Variants in AGBL2 observed in about 807,000 individuals in gnomAD.
AGBL2 encodes AGBL carboxypeptidase 2, also known as cytosolic carboxypeptidase 2.
A neutral mutation model predicts 103.0 loss-of-function variants in AGBL2; 87 were observed. That is an observed-to-expected ratio of 0.84 (90% CI 0.71 to 1.01). AGBL2 has a LOEUF of 1.01. Ranked by LOEUF, AGBL2 falls within the 50% of genes least tolerant of loss-of-function variation. The pLI is 0.00. For synonymous variants in AGBL2, 335 were observed against 356.7 expected, an observed-to-expected ratio of 0.94 and a Z score of 0.69; for missense variants, 904 against 1,023.5, an observed-to-expected ratio of 0.88 and a Z score of 1.59.
At position 47,690,736 on chromosome 11, in the gene AGBL2, T is replaced by C. The variant is rs1324064942; in HGVS notation, c.971A>G (p.Asn324Ser). 2.5e-6 allele frequency: 4 copies of C among 1,614,034 alleles called. No individual in the cohort carries two copies. The highest frequency in any genetic ancestry group is 1.3e-5 in the African/African-American group (1 of 74,910). The change falls in exon 10 of 19, where the codon AAC (asparagine) becomes AGC (serine). Residue 324 changes from asparagine to serine, a missense_variant. Coordinates refer to ENST00000525123, the MANE Select transcript of AGBL2 (RefSeq NM_024783.4). Reference protein sequence around the residue: ...KDATYRFTIVNLLKPKSLYTV... With the variant: ...KDATYRFTIVSLLKPKSLYTV... ...ATAAAGACTCTTGGGTTTTAGCAAGTTGACAATGGTGAAGCGATAGGTAGC... is the reference window on the plus strand; with the variant it reads ...ATAAAGACTCTTGGGTTTTAGCAAGCTGACAATGGTGAAGCGATAGGTAGC...
Position 47,715,243 on chromosome 11 carries a change from C to A in AGBL2, c.-169G>T, listed in dbSNP as rs1222883105. On this transcript the variant is annotated 5_prime_UTR_variant, in exon 1 of 19. Transcript: ENST00000525123. ...CCGTCCCAAGCAGCACGGATGGCTG[C>A]GGCAGAGAAGCTCCAGCGAGGCAGG... 4 of 154,050 alleles carry A rather than the reference C, an allele frequency of 2.6e-5. No homozygotes were observed. Among genetic ancestry groups the A allele is most frequent in the Non-Finnish European group, 4.3e-5 (3 of 69,354 alleles). 9.5% of individuals were successfully genotyped at this position (154,050 alleles called of 1,614,324 possible).
chr11:47,667,006 CT>C lies in AGBL2; in HGVS notation c.2397del (p.Glu800ArgfsTer8). The C allele has an allele frequency of 6.2e-7, 1 of 1,613,488 alleles. No individual in the cohort carries two copies. The highest frequency in any genetic ancestry group is 8.5e-7 in the Non-Finnish European group (1 of 1,179,856). On this transcript the variant is annotated frameshift_variant, in exon 17 of 19. Transcript: ENST00000525123. LOFTEE classifies it high-confidence loss of function. Reference sequence around the variant, plus strand: ...TTCATTGGTAAAAAACTGGAATTCTCTGAGTTTTTGAAAAAGGTTGGCTGCT... The same window carrying C: ...TTCATTGGTAAAAAACTGGAATTCTCGAGTTTTTGAAAAAGGTTGGCTGCT... ...LQKQPTFFKN[S>X]ENSSFLPMKN...
At chr11:47,681,682 T>C in intron 12 of AGBL2, among the ~76,000 whole-genome samples, 1 of 152,276 alleles carries the variant, frequency 6.6e-6, no homozygotes, top group Non-Finnish European at 1.5e-5. Flanking sequence ...CTGGTCTTGA[T>C]CTCCTGACCT....
chr11:47,692,340 CA>C, intron 8 of AGBL2, 84 bp from the exon 9 acceptor site: 1 of 900,244 alleles, frequency 1.1e-6, no homozygotes, highest in Non-Finnish European at 1.6e-6. Context: ...TCTAAGTGGT[CA>C]ACACTATTCT....
At chr11:47,702,646 C>A (rs563301323) in intron 7 of AGBL2, among the ~76,000 whole-genome samples, 1 of 151,920 alleles carries the variant, frequency 6.6e-6, no homozygotes, top group African/African-American at 2.4e-5. Context: ...GAGGCCGAGG[C>A]GGGTGGATCA....
At chr11:47,713,329 A>G in intron 3 of AGBL2, among the ~76,000 whole-genome samples, 1 of 134,988 alleles carries the variant, frequency 7.4e-6, no homozygotes, top group African/African-American at 2.8e-5. Context: ...GGGTGAAAAG[A>G]GTGAGACTCT....
chr11:47,660,014 G>A lies in AGBL2; in HGVS notation c.*159C>T. The A allele has an allele frequency of 1.6e-6, 1 of 627,628 alleles. No homozygotes were observed. Among genetic ancestry groups the A allele is most frequent in the Admixed American group, 3.8e-5 (1 of 26,186 alleles). The allele number at this position is 627,628 out of a possible 1,614,324, so 38.9% of individuals were successfully genotyped here. A position where few individuals can be genotyped will look rare whatever the true frequency, so the allele number is the denominator to read the frequency against. On this transcript the variant is annotated 3_prime_UTR_variant, in exon 19 of 19. Coordinates refer to ENST00000525123, the MANE Select transcript of AGBL2 (RefSeq NM_024783.4). ...CATGAGGTATGCATCTTGACCACAT[G>A]CCCACAGTGTAAGTACAAAGTGTAA...
At chr11:47,689,774 C>T (rs544658849) in intron 10 of AGBL2, among the ~76,000 whole-genome samples, 2 of 152,286 alleles carry the variant, frequency 1.3e-5, no homozygotes, top group Admixed American at 1.3e-4. Context: ...ATACAAGTCT[C>T]ATCATGAAGA....
chr11:47,663,802 C>T (rs4543938), intron 17 of AGBL2, among the ~76,000 whole-genome samples: 89,964 of 151,148 alleles, frequency 0.6, 27,030 homozygotes, highest in Admixed American at 0.66. Flanking sequence ...GTGATCCGCC[C>T]GCCTCGGCCT....
rs2097323714 is a variant in AGBL2 at position 47,659,778 on chromosome 11, T to G, written c.*395A>C. 1 of 157,088 alleles carries G rather than the reference T, an allele frequency of 6.4e-6. No individual in the cohort carries two copies. The highest frequency in any genetic ancestry group is 1.4e-5 in the Non-Finnish European group (1 of 71,648). The allele number at this position is 157,088 out of a possible 1,614,324, so 9.7% of individuals were successfully genotyped here. A position where few individuals can be genotyped will look rare whatever the true frequency, so the allele number is the denominator to read the frequency against. ...CTAGAAAGCTTTGACACAACACTTT[T>G]TTTTATTATAGCACACTGCCAAAAT... On this transcript the variant is annotated 3_prime_UTR_variant, in exon 19 of 19. Coordinates refer to ENST00000525123, the MANE Select transcript of AGBL2 (RefSeq NM_024783.4).
rs1287278466 is a variant in AGBL2, at chr11:47,705,602, G to A, written c.319C>T (p.Arg107Cys). 4 of 503,572 alleles carry A rather than the reference G, an allele frequency of 7.9e-6. No individual in the cohort carries two copies. In the Admixed American group the frequency reaches 1.4e-4, roughly 17 times the overall value. 31.2% of individuals were successfully genotyped at this position (503,572 alleles called of 1,614,324 possible). A position where few individuals can be genotyped will look rare whatever the true frequency, so the allele number is the denominator to read the frequency against. Residue 107 changes from arginine to cysteine, a missense_variant, in exon 6 of 19, where the codon CGC (arginine) becomes TGC (cysteine). Physicochemically the swap from Arg to Cys is radical, Grantham distance 180. Transcript: ENST00000525123. ...FHSCLGWMQWRGLSSLQPPPP... is the reference protein window; with the variant it reads ...FHSCLGWMQWCGLSSLQPPPP... ...GGAGGTTGCAGTGAGCTGAGGCCGC[G>A]CCACTGCATCCAGCCCAGGCAAGAG... is the stretch of plus-strand genomic sequence containing the variant.
intron 8 of AGBL2, among the ~76,000 whole-genome samples, chr11:47,693,387 G>C (rs913063115): frequency 6.6e-6 from 1 of 152,074 alleles, no homozygotes; most frequent in African/African-American, 2.4e-5. Context: ...TCCATTTTGG[G>C]TTAATTTTTA....
At position 47,710,315 on chromosome 11, in the gene AGBL2, A is replaced by C. The variant is rs1017727419; in HGVS notation, c.232+62T>G. On this transcript the variant is annotated intron_variant, in intron 4 of 18. Coordinates refer to ENST00000525123, the MANE Select transcript of AGBL2 (RefSeq NM_024783.4). Reference sequence around the variant, plus strand: ...CCCATGTTAGAGCAGATTCTTCTGAATACTCAGAGGAGTTACTAGGCAATG... The same window carrying C: ...CCCATGTTAGAGCAGATTCTTCTGACTACTCAGAGGAGTTACTAGGCAATG... The C allele has an allele frequency of 3.8e-6, 6 of 1,599,598 alleles. No homozygotes were observed. The African/African-American group carries it at 6.7e-5, about 18-fold the overall frequency.
intron 12 of AGBL2, among the ~76,000 whole-genome samples, chr11:47,680,335 C>T (rs1282287006): frequency 6.6e-6 from 1 of 151,848 alleles, no homozygotes; most frequent in African/African-American, 2.4e-5. Flanking sequence ...GCGCCTGTAG[C>T]CTGTAGTCCT....
chr11:47,705,733 T>C, intron 5 of AGBL2, 99 bp from the exon 6 acceptor site: 1 of 723,394 alleles, frequency 1.4e-6, no homozygotes, highest in Non-Finnish European at 2.4e-6. Flanking sequence ...AGGCTGAGGG[T>C]CCTTCAGTGC....
intron 8 of AGBL2, among the ~76,000 whole-genome samples, chr11:47,696,108 A>G (rs2097471782): frequency 6.7e-6 from 1 of 149,166 alleles, no homozygotes. Flanking sequence ...TGAGGAACAA[A>G]TCGCTTGAAC....
intron 13 of AGBL2, among the ~76,000 whole-genome samples, chr11:47,678,343 A>ATTATTATTTTTTTTTTTTTTTTTTT (rs2097385523): frequency 4.3e-5 from 5 of 116,872 alleles, no homozygotes; most frequent in Admixed American, 9.1e-5. Context: ...TTATTATTTT[A>ATTATTATTTTTTTTTTTTTTTTTTT]TTTTTTTTGA....
chr11:47,694,391 C>G (rs79777303), intron 8 of AGBL2, among the ~76,000 whole-genome samples: 279 of 152,202 alleles, frequency 1.8e-3, no homozygotes, highest in African/African-American at 6.6e-3. Context: ...AGGATCCTCT[C>G]AGGTTTTTTC....
At chr11:47,695,286 C>T (rs2097463488) in intron 8 of AGBL2, among the ~76,000 whole-genome samples, 1 of 151,132 alleles carries the variant, frequency 6.6e-6, no homozygotes, top group Non-Finnish European at 1.5e-5. Flanking sequence ...ACCAGCCTGG[C>T]TGAAATAGTG....
Sources: allele counts gnomAD v4.1 joint callset (sites outside exome capture counted in the v4.1 genomes callset), GRCh38; gene constraint gnomAD v4.1.1; transcripts MANE v1.5; gene names NCBI Gene and HGNC (gene_info 2026-07-23, HGNC 2026-07-21).